Variants in NDUFAF5 observed in about 807,000 individuals in gnomAD.
The protein encoded by NDUFAF5 is arginine-hydroxylase NDUFAF5, mitochondrial.
A neutral mutation model predicts 48.9 loss-of-function variants in NDUFAF5; 34 were observed. The observed-to-expected ratio is 0.70, with a 90% CI of 0.53 to 0.93. NDUFAF5 has a LOEUF of 0.93. Among genes scored for constraint, NDUFAF5 ranks in the 40% least tolerant of loss-of-function variants. The pLI is 0.00. For missense variants in NDUFAF5, 428 were observed against 427.5 expected, an observed-to-expected ratio of 1.00 and a Z score of -0.01; for synonymous variants, 153 against 150.6, an observed-to-expected ratio of 1.02 and a Z score of -0.12.
In NDUFAF5 at chr20:13,787,326, C is replaced by G; in HGVS notation, c.237C>G (p.Ile79Met). The G allele has an allele frequency of 6.2e-7, 1 of 1,614,022 alleles. No homozygotes were observed. Among genetic ancestry groups the G allele is most frequent in the Non-Finnish European group, 8.5e-7 (1 of 1,179,958 alleles). Residue 79 changes from isoleucine to methionine, a missense_variant, in exon 2 of 11, where the codon ATC (isoleucine) becomes ATG (methionine). By Grantham distance (10) the Ile-to-Met change is conservative. Coordinates refer to ENST00000378106, the MANE Select transcript of NDUFAF5 (RefSeq NM_024120.5). Reference protein sequence around the residue: ...DYLKEEVGSRIADRVYDIPRN... With the variant: ...DYLKEEVGSRMADRVYDIPRN... ...TAATCCTTCAGGTTGGAAGTCGGAT[C>G]GCAGACCGTGTATATGACATACCCA... is the stretch of plus-strand genomic sequence containing the variant.
At chr20:13,798,421 G>T (rs780998800) in intron 5 of NDUFAF5, 40 bp from the exon 6 acceptor site, 1 of 1,468,202 alleles carries the variant, frequency 6.8e-7, no homozygotes, top group South Asian at 1.1e-5. Flanking sequence ...AATTAATTGT[G>T]CCAGTTAAGC....
intron 4 of NDUFAF5, among the ~76,000 whole-genome samples, 184 bp downstream of exon 4, chr20:13,793,411 C>T (rs1258894871): frequency 2.0e-5 from 3 of 152,208 alleles, no homozygotes; most frequent in Non-Finnish European, 4.4e-5. Context: ...CATTCAGAGG[C>T]AACCATTGGT....
chr20:13,787,617 T>G (rs186347272), intron 2 of NDUFAF5, among the ~76,000 whole-genome samples: 2 of 152,308 alleles, frequency 1.3e-5, no homozygotes, highest in East Asian at 3.9e-4. Context: ...CAAAAGCAAG[T>G]AATAGAAAGA....
chr20:13,786,243 G>A (rs1484321472), intron 1 of NDUFAF5, among the ~76,000 whole-genome samples: 1 of 152,204 alleles, frequency 6.6e-6, no homozygotes, highest in African/African-American at 2.4e-5. Flanking sequence ...TGCAAGTACA[G>A]GTCTGATCAG....
At chr20:13,807,073 G>A (rs1464904800) in intron 7 of NDUFAF5, among the ~76,000 whole-genome samples, 3 of 146,536 alleles carry the variant, frequency 2.0e-5, no homozygotes, top group East Asian at 2.0e-4. Flanking sequence ...TTGAGATGGA[G>A]TCTTGCTCTT....
At chr20:13,816,273 T>C in intron 8 of NDUFAF5, 190 bp from the exon 9 acceptor site, 1 of 639,610 alleles carries the variant, frequency 1.6e-6, no homozygotes, top group Non-Finnish European at 2.8e-6. Context: ...TGAAAAAGTT[T>C]CAAGTAGTTT....
intron 5 of NDUFAF5, among the ~76,000 whole-genome samples, chr20:13,795,265 G>A (rs933202154): frequency 6.6e-6 from 1 of 152,114 alleles, no homozygotes; most frequent in African/African-American, 2.4e-5. Context: ...GTTTGAAAGA[G>A]CATATTGGCT....
Position 13,817,190 on chromosome 20 carries a change from C to T in NDUFAF5, c.1018C>T (p.Pro340Ser), listed in dbSNP as rs756878123. 9 of 1,613,368 alleles carry T rather than the reference C, an allele frequency of 5.6e-6. No individual in the cohort carries two copies. The highest frequency in any genetic ancestry group is 1.1e-5 in the South Asian group (1 of 91,034). The change falls in exon 11 of 11, where the codon CCG (proline) becomes TCG (serine). Residue 340 changes from proline (P) to serine (S), a missense_variant. Coordinates refer to ENST00000378106, the MANE Select transcript of NDUFAF5 (RefSeq NM_024120.5). ...AGGAAAAATAAACAACCTTATGCCA[C>T]CGGGGAAAAAATCACAATAAATATT... ...ELGKINNLMP[P>S]GKKSQ
chr20:13,811,692 T>C (rs1305535966), intron 8 of NDUFAF5, among the ~76,000 whole-genome samples: 1 of 152,210 alleles, frequency 6.6e-6, no homozygotes, highest in Non-Finnish European at 1.5e-5. Flanking sequence ...AGGTTAGATA[T>C]GCAAAATATA....
intron 6 of NDUFAF5, among the ~76,000 whole-genome samples, chr20:13,801,112 C>T (rs771525504): frequency 7.9e-4 from 120 of 152,108 alleles, no homozygotes; most frequent in Non-Finnish European, 1.1e-3. Flanking sequence ...TGTTAGAAAA[C>T]GACGTTTCAG....
intron 8 of NDUFAF5, among the ~76,000 whole-genome samples, chr20:13,813,745 T>C (rs1986147056): frequency 6.6e-6 from 1 of 152,058 alleles, no homozygotes; most frequent in African/African-American, 2.4e-5. Context: ...GAAAGGTGGG[T>C]TGAGGTTTAG....
At chr20:13,791,735 C>G (rs35046822) in intron 3 of NDUFAF5, among the ~76,000 whole-genome samples, 14 of 152,164 alleles carry the variant, frequency 9.2e-5, no homozygotes, top group Non-Finnish European at 1.3e-4. Context: ...TTTGAAACAC[C>G]ATAACAATGT....
chr20:13,790,558 G>T (rs1261334235), intron 3 of NDUFAF5, among the ~76,000 whole-genome samples: 1 of 152,156 alleles, frequency 6.6e-6, no homozygotes, highest in East Asian at 1.9e-4. Context: ...ACAGTCTGTT[G>T]TCATGGCAAA....
At chr20:13,795,206 C>T (rs1194961908) in intron 5 of NDUFAF5, among the ~76,000 whole-genome samples, 1 of 152,152 alleles carries the variant, frequency 6.6e-6, no homozygotes, top group African/African-American at 2.4e-5. Context: ...GAAGGTTTTT[C>T]TCCCCAGTGC....
chr20:13,816,969 A>G lies in NDUFAF5; in HGVS notation c.945+12A>G, dbSNP rs200703684. 8 of 1,590,826 alleles carry G rather than the reference A, an allele frequency of 5.0e-6. No individual in the cohort carries two copies. In the South Asian group the frequency reaches 7.7e-5, roughly 15 times the overall value. ...ATCATGAGTCACAGGTAACGTTACT[A>G]AGATGGATCACTTTTCTTAGTGGGT... On this transcript the variant is annotated intron_variant, in intron 10 of 10. Coordinates refer to ENST00000378106, the MANE Select transcript of NDUFAF5 (RefSeq NM_024120.5).
At chr20:13,785,362 C>G in intron 1 of NDUFAF5, 72 bp downstream of exon 1, 2 of 1,345,230 alleles carry the variant, frequency 1.5e-6, no homozygotes, top group Non-Finnish European at 2.1e-6. Flanking sequence ...CTAGTTCCGG[C>G]TAGGCCCCGA....
Position 13,817,104 on chromosome 20 carries a change from T to C in NDUFAF5, c.946-14T>C. 6.2e-7 allele frequency: 1 copy of C among 1,611,068 alleles called. No homozygotes were observed. Among genetic ancestry groups the C allele is most frequent in the South Asian group, 1.1e-5 (1 of 90,982 alleles). On this transcript the variant is annotated splice_polypyrimidine_tract_variant and intron_variant, in intron 10 of 10. Coordinates refer to ENST00000378106, the MANE Select transcript of NDUFAF5 (RefSeq NM_024120.5). The stretch of plus-strand genomic sequence containing the variant: ...CTATCTATTTCTAATATCTTTAATC[T>C]TTATTATTTTCAGGCAAGACCAGCT...
At chr20:13,798,893 A>T (rs952779731) in intron 6 of NDUFAF5, among the ~76,000 whole-genome samples, 6 of 152,196 alleles carry the variant, frequency 3.9e-5, no homozygotes, top group African/African-American at 1.4e-4. Flanking sequence ...GTAAGTTTTT[A>T]TCGATTGACA....
At chr20:13,797,219 G>A (rs937263816) in intron 5 of NDUFAF5, among the ~76,000 whole-genome samples, 2 of 152,178 alleles carry the variant, frequency 1.3e-5, no homozygotes, top group Admixed American at 1.3e-4. Flanking sequence ...CTTAGCGTAC[G>A]ATCCAGCGAT....
Sources: allele counts gnomAD v4.1 joint callset (sites outside exome capture counted in the v4.1 genomes callset), GRCh38; gene constraint gnomAD v4.1.1; transcripts MANE v1.5; gene names NCBI Gene and HGNC (gene_info 2026-07-23, HGNC 2026-07-21).